Variants in SGCD observed in about 807,000 individuals in gnomAD.
The protein encoded by SGCD is delta-sarcoglycan.
In SGCD, 18 loss-of-function variants were observed where a neutral mutation model predicts 36.6. That is an observed-to-expected ratio of 0.49 (90% CI 0.34 to 0.73). The LOEUF is 0.73. SGCD is among the 30% of genes least tolerant of loss of function. The probability of loss-of-function intolerance (pLI) is 0.01; values close to 1 mark genes in which losing one functional copy is unlikely to be tolerated. For missense variants in SGCD, 387 were observed against 346.7 expected, an observed-to-expected ratio of 1.12 and a Z score of -0.92; for synonymous variants, 133 against 130.6, an observed-to-expected ratio of 1.02 and a Z score of -0.12.
At chr5:156,738,347 T>C (rs1756483810) in intron 7 of SGCD, among the ~76,000 whole-genome samples, 2 of 152,196 alleles carry the variant, frequency 1.3e-5, no homozygotes, top group African/African-American at 4.8e-5. Context: ...TAGTTTCATA[T>C]GCAGTCACCT....
At chr5:155,982,001 C>T (rs1325210659) in intron 1 of SGCD, among the ~76,000 whole-genome samples, 1 of 152,204 alleles carries the variant, frequency 6.6e-6, no homozygotes, top group East Asian at 1.9e-4. Flanking sequence ...CTCCCTCCTC[C>T]TGGAGCTCTC....
At chr5:156,354,622 A>G (rs1338687475) in intron 3 of SGCD, among the ~76,000 whole-genome samples, 3 of 152,206 alleles carry the variant, frequency 2.0e-5, no homozygotes. Flanking sequence ...CTTCCTGGAA[A>G]TATTTTTTGT....
intron 4 of SGCD, among the ~76,000 whole-genome samples, chr5:156,586,859 TTTTG>T (rs1246121074): frequency 3.3e-5 from 5 of 152,190 alleles, no homozygotes; most frequent in Admixed American, 3.3e-4. Flanking sequence ...CTCATGTAGC[TTTTG>T]TTTGTTTGTT....
intron 1 of SGCD, among the ~76,000 whole-genome samples, chr5:155,879,988 TG>T (rs1463292229): frequency 6.6e-6 from 1 of 151,746 alleles, no homozygotes; most frequent in Non-Finnish European, 1.5e-5. Flanking sequence ...GAAGCTGGAT[TG>T]GGGGAGTTTT....
intron 3 of SGCD, among the ~76,000 whole-genome samples, chr5:156,137,089 G>C (rs1762478510): frequency 6.6e-6 from 1 of 152,170 alleles, no homozygotes; most frequent in African/African-American, 2.4e-5. Flanking sequence ...GGAATGATAG[G>C]AGCATTTTAC....
chr5:156,271,735 C>T (rs1452973633), intron 3 of SGCD, among the ~76,000 whole-genome samples: 2 of 152,152 alleles, frequency 1.3e-5, no homozygotes, highest in East Asian at 3.9e-4. Context: ...AGGGACATGT[C>T]CCAGAGAACA....
At chr5:156,375,967 A>G (rs1213693038) in intron 3 of SGCD, among the ~76,000 whole-genome samples, 2 of 152,176 alleles carry the variant, frequency 1.3e-5, no homozygotes, top group Non-Finnish European at 2.9e-5. Context: ...ATTTTATGAC[A>G]AAAATGTAAG....
chr5:156,543,177 T>C (rs913805512), intron 4 of SGCD, among the ~76,000 whole-genome samples: 7 of 152,210 alleles, frequency 4.6e-5, no homozygotes, highest in South Asian at 2.1e-4. Context: ...AGTTTCTTTA[T>C]TGCGGGAGCT....
chr5:156,721,915 A>G (rs138628993), intron 7 of SGCD, among the ~76,000 whole-genome samples: 2 of 152,342 alleles, frequency 1.3e-5, no homozygotes, highest in South Asian at 2.1e-4. Flanking sequence ...TGTCACATCT[A>G]TATCACCTTC....
intron 3 of SGCD, among the ~76,000 whole-genome samples, chr5:156,312,291 C>T (rs925221312): frequency 4.6e-5 from 7 of 152,160 alleles, no homozygotes; most frequent in African/African-American, 7.2e-5. Flanking sequence ...ATACATAGAT[C>T]CAGCTTTTTC....
intron 3 of SGCD, among the ~76,000 whole-genome samples, chr5:156,245,138 GA>G (rs1183724246): frequency 6.6e-6 from 1 of 152,076 alleles, no homozygotes; most frequent in Non-Finnish European, 1.5e-5. Flanking sequence ...TTAAATTACA[GA>G]AAAAAGGACA....
chr5:156,216,687 A>G (rs540262982), intron 3 of SGCD, among the ~76,000 whole-genome samples: 29 of 152,232 alleles, frequency 1.9e-4, no homozygotes, highest in Non-Finnish European at 4.0e-4. Context: ...AAGCCTTTAA[A>G]AACATGTGTT....
chr5:155,759,188 T>C, the SGCD span, among the ~76,000 whole-genome samples: 2 of 152,120 alleles, frequency 1.3e-5, no homozygotes, highest in African/African-American at 4.8e-5. Flanking sequence ...TCAAACCCTG[T>C]TGTAATAAGT....
At chr5:155,898,758 G>A (rs1297828070) in intron 1 of SGCD, among the ~76,000 whole-genome samples, 1 of 152,170 alleles carries the variant, frequency 6.6e-6, no homozygotes, top group African/African-American at 2.4e-5. Flanking sequence ...GGAAAAACAA[G>A]CTCGTGAGGT....
chr5:156,294,225 A>AT (rs34232746), intron 3 of SGCD, among the ~76,000 whole-genome samples: 19,292 of 152,002 alleles, frequency 0.13, 2,906 homozygotes, highest in African/African-American at 0.37. Context: ...TATAACAGAG[A>AT]TTTTTTGGTG....
At chr5:156,027,896 A>G (rs1480239840) in intron 1 of SGCD, among the ~76,000 whole-genome samples, 2 of 152,190 alleles carry the variant, frequency 1.3e-5, no homozygotes, top group Non-Finnish European at 2.9e-5. Context: ...TCCAAGATGC[A>G]AACACTGTAT....
At chr5:155,939,654 A>AT (rs1203319265) in intron 1 of SGCD, among the ~76,000 whole-genome samples, 1 of 150,612 alleles carries the variant, frequency 6.6e-6, no homozygotes, top group Non-Finnish European at 1.5e-5. Flanking sequence ...CAAAAAAAAA[A>AT]AAAAATAATA....
chr5:156,563,483 C>A (rs756190402), intron 4 of SGCD, among the ~76,000 whole-genome samples: 1 of 152,192 alleles, frequency 6.6e-6, no homozygotes, highest in Non-Finnish European at 1.5e-5. Context: ...AGCTTTTCTG[C>A]GAGAAGGCAG....
intron 3 of SGCD, among the ~76,000 whole-genome samples, chr5:156,145,366 A>G (rs747858006): frequency 2.6e-5 from 4 of 152,180 alleles, no homozygotes; most frequent in Non-Finnish European, 5.9e-5. Flanking sequence ...TGTACAGCCT[A>G]CAGAATCATG....
Sources: allele counts gnomAD v4.1 joint callset (sites outside exome capture counted in the v4.1 genomes callset), GRCh38; gene constraint gnomAD v4.1.1; transcripts MANE v1.5; gene names NCBI Gene and HGNC (gene_info 2026-07-23, HGNC 2026-07-21).